DCAF10: variants seen among roughly 807,000 people sequenced by gnomAD.
The protein encoded by DCAF10 is DDB1- and CUL4-associated factor 10.
In DCAF10, 19 loss-of-function variants were observed where a neutral mutation model predicts 51.9. The observed-to-expected ratio is 0.37, with a 90% CI of 0.26 to 0.54. DCAF10 has a LOEUF of 0.54. Ranked by LOEUF, DCAF10 falls within the 20% of genes least tolerant of loss-of-function variation. DCAF10 has a pLI of 0.87. For synonymous variants in DCAF10, 291 were observed against 297.1 expected (o/e 0.98, Z 0.21); for missense variants, 510 against 730.6 (o/e 0.70, Z 3.48).
At chr9:37,804,774 T>G in intron 1 of DCAF10, among the ~76,000 whole-genome samples, 1 of 150,534 alleles carries the variant, frequency 6.6e-6, no homozygotes, top group Non-Finnish European at 1.5e-5. Flanking sequence ...AAAACTCCAT[T>G]TAAAAAAAAA....
At chr9:37,833,103 C>A (rs1479255102) in intron 2 of DCAF10, among the ~76,000 whole-genome samples, 1 of 152,142 alleles carries the variant, frequency 6.6e-6, no homozygotes, top group Non-Finnish European at 1.5e-5. Context: ...TGACCTCAAG[C>A]AATCCACCTC....
At position 37,845,560 on chromosome 9, in the gene DCAF10, A is replaced by T. The variant is rs569100097; in HGVS notation, c.851+3274A>T. On this transcript the variant is annotated intron_variant, in intron 3 of 6. Transcript: ENST00000377724. ...CTATTACTAGGACTAATATTTAGCCAATATGTACTGGTTCAGCTGAAGTAC... is the reference window on the plus strand; with the variant it reads ...CTATTACTAGGACTAATATTTAGCCTATATGTACTGGTTCAGCTGAAGTAC... Among the ~76,000 whole-genome samples the T allele has an allele frequency of 5.3e-5, 8 of 152,360 alleles. No homozygotes were observed. The East Asian group carries it at 1.5e-3, about 29-fold the overall frequency.
At chr9:37,835,971 G>T in intron 2 of DCAF10, 1 of 982,656 alleles carries the variant, frequency 1.0e-6, no homozygotes, top group Non-Finnish European at 1.6e-6. Context: ...CCTTAGAACT[G>T]TTTACAGAAA....
At chr9:37,847,313 G>A (rs1410923070) in intron 3 of DCAF10, among the ~76,000 whole-genome samples, 4 of 132,194 alleles carry the variant, frequency 3.0e-5, no homozygotes, top group Admixed American at 2.9e-4. Context: ...AAAAAAAAAG[G>A]ATGGAAAAAT....
chr9:37,814,303 T>C (rs1829462259), intron 1 of DCAF10, among the ~76,000 whole-genome samples: 1 of 92,012 alleles, frequency 1.1e-5, no homozygotes, highest in African/African-American at 4.4e-5. Context: ...CACGCCGGCT[T>C]TTTTTTTTTT....
At position 37,861,969 on chromosome 9, in the gene DCAF10, A is replaced by G. The variant is rs1831032634; in HGVS notation, c.*461A>G. 6.3e-6 allele frequency: 1 copy of G among 158,732 alleles called. No homozygotes were observed. The highest frequency in any genetic ancestry group is 5.9e-5 in the Admixed American group (1 of 16,902). 9.8% of individuals were successfully genotyped at this position (158,732 alleles called of 1,614,324 possible). A position where few individuals can be genotyped will look rare whatever the true frequency, so the allele number is the denominator to read the frequency against. On this transcript the variant is annotated 3_prime_UTR_variant, in exon 7 of 7. Coordinates refer to ENST00000377724, the MANE Select transcript of DCAF10 (RefSeq NM_024345.5). The surrounding 1 kb of genome is among the most constrained non-coding windows in gnomAD (Gnocchi z 4.9). The stretch of plus-strand genomic sequence containing the variant: ...AAACCTAGAAGTTGGATATTGGCAT[A>G]TTGGTTGTTGAAAAATAAATTTCAT...
At position 37,861,062 on chromosome 9, in the gene DCAF10, A is replaced by T. The variant is rs1830999444; in HGVS notation, c.1312-78A>T. The T allele has an allele frequency of 6.0e-6, 9 of 1,498,218 alleles. No individual in the cohort carries two copies. The South Asian group carries it at 1.2e-4, about 20-fold the overall frequency. The allele number at this position is 1,498,218 out of a possible 1,614,324, so 92.8% of individuals were successfully genotyped here. On this transcript the variant is annotated intron_variant, in intron 6 of 6. Coordinates refer to ENST00000377724, the MANE Select transcript of DCAF10 (RefSeq NM_024345.5). This position sits in a 1 kb window ranked among gnomAD's most constrained non-coding sequence, Gnocchi z 4.9. ...ATTCTGTGGCTTTGGCAATCTGTTG[A>T]GCTTTTTAAAAATAAGGAATATCTG...
At chr9:37,817,790 A>G (rs1264916668) in intron 1 of DCAF10, among the ~76,000 whole-genome samples, 4 of 152,152 alleles carry the variant, frequency 2.6e-5, no homozygotes, top group Non-Finnish European at 5.9e-5. Context: ...CACAAAAGGG[A>G]AAAAAGTTCA....
chr9:37,854,459 A>G lies in DCAF10; in HGVS notation c.852-321A>G, dbSNP rs187843889. 2.0e-4 allele frequency among the ~76,000 whole-genome samples: 31 copies of G among 152,304 alleles called. No individual in the cohort carries two copies. In the East Asian group the frequency reaches 5.6e-3, roughly 27 times the overall value. On this transcript the variant is annotated intron_variant, in intron 3 of 6. Transcript: ENST00000377724. Reference sequence around the variant, plus strand: ...TAACTGCACATATTTACAGGGTACAATTTGATGTCTTGACACATATATGTT... The same window carrying G: ...TAACTGCACATATTTACAGGGTACAGTTTGATGTCTTGACACATATATGTT...
chr9:37,836,328 C>T, intron 2 of DCAF10: 1 of 1,609,628 alleles, frequency 6.2e-7, no homozygotes, highest in East Asian at 2.2e-5. Flanking sequence ...ACAATTAGAA[C>T]AGTTACCAGA....
chr9:37,860,293 T>C, intron 6 of DCAF10, 100 bp downstream of exon 6: 4 of 1,459,198 alleles, frequency 2.7e-6, no homozygotes, highest in Non-Finnish European at 3.7e-6. Flanking sequence ...AGTCTCTGCC[T>C]TCAAGGGCAT....
intron 2 of DCAF10, among the ~76,000 whole-genome samples, chr9:37,839,529 C>A (rs62540300): frequency 0.13 from 19,294 of 152,200 alleles, 1,436 homozygotes; most frequent in Middle Eastern, 0.19. Flanking sequence ...TATGAGCTAC[C>A]ACGCTTGGCC....
At chr9:37,804,009 G>T (rs1293267777) in intron 1 of DCAF10, among the ~76,000 whole-genome samples, 1 of 151,792 alleles carries the variant, frequency 6.6e-6, no homozygotes, top group African/African-American at 2.4e-5. Flanking sequence ...ATGACATTTT[G>T]AAAAAGTAAA....
upstream of DCAF10, chr9:37,800,771 T>A: frequency 6.6e-7 from 1 of 1,526,524 alleles, no homozygotes; most frequent in Non-Finnish European, 8.8e-7. Flanking sequence ...GCCGGTGGGG[T>A]TAGGCCGCTG....
intron 1 of DCAF10, among the ~76,000 whole-genome samples, chr9:37,816,656 T>TGGGGGG (rs201441275): frequency 2.8e-5 from 4 of 142,720 alleles, no homozygotes; most frequent in East Asian, 4.0e-4. Context: ...CATCTGCACC[T>TGGGGGG]GGGGTGTGTG....
chr9:37,853,789 G>A (rs377286345), intron 3 of DCAF10, among the ~76,000 whole-genome samples: 3 of 151,986 alleles, frequency 2.0e-5, no homozygotes, highest in African/African-American at 7.3e-5. Flanking sequence ...GGTTGGTCTT[G>A]AAATCCTGGG....
intron 2 of DCAF10, among the ~76,000 whole-genome samples, chr9:37,821,934 C>T (rs923084960): frequency 2.0e-5 from 3 of 151,884 alleles, no homozygotes; most frequent in Non-Finnish European, 4.4e-5. Context: ...ACAATCAATC[C>T]CATTAAAAAA....
intron 1 of DCAF10, among the ~76,000 whole-genome samples, chr9:37,802,122 C>G (rs1473029615): frequency 6.6e-6 from 1 of 152,118 alleles, no homozygotes; most frequent in Non-Finnish European, 1.5e-5. Flanking sequence ...TAATGTAATT[C>G]TTACCCCACC....
chr9:37,836,331 T>G, intron 2 of DCAF10: 2 of 1,610,046 alleles, frequency 1.2e-6, no homozygotes, highest in Non-Finnish European at 1.7e-6. Context: ...ATTAGAACAG[T>G]TACCAGAACA....
Sources: allele counts gnomAD v4.1 joint callset (sites outside exome capture counted in the v4.1 genomes callset), GRCh38; gene constraint gnomAD v4.1.1; non-coding constraint Gnocchi (gnomAD v3.1); transcripts MANE v1.5; gene names NCBI Gene and HGNC (gene_info 2026-07-23, HGNC 2026-07-21).